The following BRINP2 variants were observed in gnomAD, a reference collection of about 807,000 sequenced individuals.
BRINP2 encodes the protein BMP/retinoic acid inducible neural specific 2.
BRINP2 carries 21 observed loss-of-function variants against 69.2 expected under a neutral mutation model. The ratio of observed to expected loss-of-function variants is 0.30; its 90% CI spans 0.22 to 0.44. BRINP2 has a LOEUF of 0.44. Among genes scored for constraint, BRINP2 ranks in the 20% least tolerant of loss-of-function variants. The probability of loss-of-function intolerance (pLI) is 1.00; values close to 1 mark genes in which losing one functional copy is unlikely to be tolerated. For missense variants in BRINP2, 877 were observed against 986.0 expected, an observed-to-expected ratio of 0.89 and a Z score of 1.48; for synonymous variants, 380 against 394.1, an observed-to-expected ratio of 0.96 and a Z score of 0.42.
At chr1:177,252,785 A>G (rs1650623484) in intron 2 of BRINP2, among the ~76,000 whole-genome samples, 1 of 152,070 alleles carries the variant, frequency 6.6e-6, no homozygotes, top group South Asian at 2.1e-4. Context: ...CATGAGATCA[A>G]CTTTTTTAGA....
intron 1 of BRINP2, among the ~76,000 whole-genome samples, chr1:177,176,223 A>T (rs1224824089): frequency 6.6e-6 from 1 of 152,182 alleles, no homozygotes; most frequent in Non-Finnish European, 1.5e-5. Context: ...ACCTCACAGG[A>T]CTAAGCTCTA....
chr1:177,275,207 GTGGCTTGAAGCCAACTAGGAGTA>G, intron 5 of BRINP2: 1 of 456,332 alleles, frequency 2.2e-6, no homozygotes, highest in Non-Finnish European at 4.4e-6. Flanking sequence ...CGCCTTGTGA[GTGGCTTGAAGCCAACTAGGAGTA>G]TGTTCTGCTG....
intron 4 of BRINP2, among the ~76,000 whole-genome samples, chr1:177,265,181 C>T (rs547078164): frequency 9.4e-4 from 143 of 152,186 alleles, no homozygotes; most frequent in African/African-American, 3.2e-3. Flanking sequence ...CTTTGACAAA[C>T]CTGACAAAAA....
In BRINP2 at chr1:177,280,651, G is replaced by T. The variant is rs201898561; in HGVS notation, c.1475G>T (p.Arg492Leu). 1 of 1,614,208 alleles carries T rather than the reference G, an allele frequency of 6.2e-7. No individual in the cohort carries two copies. The highest frequency in any genetic ancestry group is 2.2e-5 in the East Asian group (1 of 44,882). Residue 492 changes from arginine (R) to leucine (L), a missense_variant, in exon 8 of 8, where the codon CGG becomes CTG. Transcript: ENST00000361539. ...PGYVLAQGLC[R>L]PEVAESLENF... is the part of the protein sequence containing the mutation. ...TATGTGCTGGCCCAGGGGCTGTGCC[G>T]GCCAGAGGTGGCCGAGTCCCTGGAA... is the stretch of plus-strand genomic sequence containing the variant.
intron 1 of BRINP2, among the ~76,000 whole-genome samples, chr1:177,219,297 C>T (rs1649460570): frequency 6.6e-6 from 1 of 152,148 alleles, no homozygotes; most frequent in Admixed American, 6.5e-5. Context: ...TCTGCTATCC[C>T]CCTAGCTTTC....
chr1:177,280,684 T>C lies in BRINP2; in HGVS notation c.1508T>C (p.Leu503Pro), dbSNP rs1202453948. Residue 503 changes from leucine to proline, a missense_variant, in exon 8 of 8, where the codon CTT (leucine) becomes CCT (proline). Around this residue, in one of 3 missense-constraint regions of BRINP2, gnomAD observed 86 missense variants for 142.1 expected, o/e 0.61. Transcript: ENST00000361539. Reference protein sequence around the residue: ...PEVAESLENFLGLETDLQDLE... With the variant: ...PEVAESLENFPGLETDLQDLE... Reference sequence around the variant, plus strand: ...GTGGCCGAGTCCCTGGAAAACTTTCTTGGGCTGGAGACAGACTTGCAGGAC... The same window carrying C: ...GTGGCCGAGTCCCTGGAAAACTTTCCTGGGCTGGAGACAGACTTGCAGGAC... 22 of 1,614,230 alleles carry C rather than the reference T, an allele frequency of 1.4e-5. No homozygotes were observed. Among genetic ancestry groups the C allele is most frequent in the Non-Finnish European group, 1.7e-5 (20 of 1,180,038 alleles).
intron 5 of BRINP2, chr1:177,275,097 C>G (rs780508623): frequency 4.8e-5 from 22 of 456,242 alleles, no homozygotes; most frequent in Non-Finnish European, 8.8e-5. Context: ...CACAGTGTCG[C>G]TACTGGGGAG....
At chr1:177,217,135 G>A (rs1397975340) in intron 1 of BRINP2, among the ~76,000 whole-genome samples, 1 of 151,386 alleles carries the variant, frequency 6.6e-6, no homozygotes, top group Admixed American at 6.6e-5. Context: ...GAATGCCTAT[G>A]ATGCATAGGT....
In BRINP2 at chr1:177,280,671, C is replaced by T. The variant is rs267598203; in HGVS notation, c.1495C>T (p.Leu499=). ...GTGCCGGCCAGAGGTGGCCGAGTCC[C>T]TGGAAAACTTTCTTGGGCTGGAGAC... ...GLCRPEVAES[L]ENFLGLETDL... is the part of the protein sequence containing the mutation. The change falls in exon 8 of 8, where the codon CTG becomes TTG. Residue 499 remains leucine (L), a synonymous_variant. Coordinates refer to ENST00000361539, the MANE Select transcript of BRINP2 (RefSeq NM_021165.4). 4.3e-6 allele frequency: 7 copies of T among 1,614,112 alleles called. No homozygotes were observed. Among genetic ancestry groups the T allele is most frequent in the Admixed American group, 3.3e-5 (2 of 60,006 alleles).
intron 1 of BRINP2, among the ~76,000 whole-genome samples, chr1:177,216,045 G>C (rs1649366039): frequency 6.6e-6 from 1 of 151,928 alleles, no homozygotes; most frequent in South Asian, 2.1e-4. Flanking sequence ...CATATACTTG[G>C]ACCTTGGATT....
chr1:177,254,668 T>A (rs1474571995), intron 2 of BRINP2, among the ~76,000 whole-genome samples: 1 of 150,846 alleles, frequency 6.6e-6, no homozygotes, highest in Non-Finnish European at 1.5e-5. Context: ...TTATTCAGAC[T>A]TGAGTGTCTA....
intron 4 of BRINP2, among the ~76,000 whole-genome samples, chr1:177,266,542 G>A (rs775324689): frequency 6.6e-6 from 1 of 151,718 alleles, no homozygotes; most frequent in Non-Finnish European, 1.5e-5. Context: ...GGCGGATCAC[G>A]AGGTCAGGAG....
chr1:177,207,134 A>G (rs960476808), intron 1 of BRINP2, among the ~76,000 whole-genome samples: 1 of 152,128 alleles, frequency 6.6e-6, no homozygotes, highest in Non-Finnish European at 1.5e-5. Context: ...GAGTTGCTAG[A>G]TCTGAATTAA....
chr1:177,202,789 A>C (rs1648954499), intron 1 of BRINP2, among the ~76,000 whole-genome samples: 1 of 152,192 alleles, frequency 6.6e-6, no homozygotes, highest in Admixed American at 6.5e-5. Context: ...ACCATCTCAC[A>C]CCAGTTAGAA....
chr1:177,203,980 G>A (rs1648996098), intron 1 of BRINP2, among the ~76,000 whole-genome samples: 1 of 152,158 alleles, frequency 6.6e-6, no homozygotes, highest in South Asian at 2.1e-4. Flanking sequence ...GAGATAAGGG[G>A]ACAGACCCCG....
intron 4 of BRINP2, among the ~76,000 whole-genome samples, chr1:177,272,060 A>G (rs1462998762): frequency 6.6e-6 from 1 of 152,158 alleles, no homozygotes; most frequent in East Asian, 1.9e-4. Flanking sequence ...CACATGCACT[A>G]TGCACTTCCA....
chr1:177,171,536 C>A lies in BRINP2; in HGVS notation c.-273C>A. 1 of 153,760 alleles carries A rather than the reference C, an allele frequency of 6.5e-6. No individual in the cohort carries two copies. Among genetic ancestry groups the A allele is most frequent in the South Asian group, 1.8e-4 (1 of 5,688 alleles). 9.5% of individuals were successfully genotyped at this position (153,760 alleles called of 1,614,324 possible). The stretch of plus-strand genomic sequence containing the variant: ...GAATTTGAAAAGAGACATCCGCTCC[C>A]TCTCACACGCTGAGGGGGAGGCATT... On this transcript the variant is annotated 5_prime_UTR_variant, in exon 1 of 8. Transcript: ENST00000361539.
In BRINP2 at chr1:177,229,976, G is replaced by T. The variant is rs1558167986; in HGVS notation, c.100G>T (p.Val34Phe). The stretch of plus-strand genomic sequence containing the variant: ...GGGCCTGCCTGGCTGGGTGTTGGCT[G>T]TCTCAGCCACGGCGGCTGCTGTGGT... ...ALGLPGWVLAVSATAAAVVPE... is the reference protein window; with the variant it reads ...ALGLPGWVLAFSATAAAVVPE... The change falls in exon 2 of 8, where the codon GTC (valine) becomes TTC (phenylalanine). Residue 34 changes from valine (V) to phenylalanine (F), a missense_variant. Val to Phe is a conservative substitution (Grantham distance 50). Coordinates refer to ENST00000361539, the MANE Select transcript of BRINP2 (RefSeq NM_021165.4). 6.2e-7 allele frequency: 1 copy of T among 1,613,580 alleles called. No individual in the cohort carries two copies. The highest frequency in any genetic ancestry group is 8.5e-7 in the Non-Finnish European group (1 of 1,179,902).
At chr1:177,198,532 G>A (rs1404772876) in intron 1 of BRINP2, among the ~76,000 whole-genome samples, 1 of 152,146 alleles carries the variant, frequency 6.6e-6, no homozygotes, top group Non-Finnish European at 1.5e-5. Context: ...GAATCATGTG[G>A]GAGTTCAGAA....
Sources: gnomAD v4.1 joint callset for allele counts (sites outside exome capture counted in the v4.1 genomes callset) on GRCh38, gnomAD v4.1.1 for gene constraint, gnomAD v4.1.1 regional missense constraint, MANE v1.5 for transcripts, NCBI Gene and HGNC (gene_info 2026-07-23, HGNC 2026-07-21) for gene names.